Variants in TENM3 observed in about 807,000 individuals in gnomAD.
The protein encoded by TENM3 is teneurin transmembrane protein 3.
TENM3 carries 63 observed loss-of-function variants against 255.1 expected under a neutral mutation model. The ratio of observed to expected loss-of-function variants is 0.25; its 90% CI spans 0.20 to 0.30. TENM3 has a LOEUF of 0.30. Ranked by LOEUF, TENM3 falls within the 10% of genes least tolerant of loss-of-function variation. The pLI, the probability that TENM3 is intolerant of heterozygous loss-of-function variation, is 1.00. For missense variants in TENM3, 2,929 were observed against 3,461.1 expected (o/e 0.85, Z 3.86); for synonymous variants, 1,306 against 1,322.3 (o/e 0.99, Z 0.27).
chr4:182,594,894 AT>A (rs1747054426), intron 3 of TENM3, among the ~76,000 whole-genome samples: 1 of 151,622 alleles, frequency 6.6e-6, no homozygotes, highest in African/African-American at 2.4e-5. Flanking sequence ...TAATTTTTGT[AT>A]TCAGTAGAGG....
intron 1 of TENM3, among the ~76,000 whole-genome samples, chr4:182,212,079 T>C (rs1237199273): frequency 1.3e-5 from 2 of 152,228 alleles, no homozygotes; most frequent in Admixed American, 1.3e-4. Context: ...CTAGTCTGAA[T>C]ACATGGAATT....
At chr4:181,929,470 A>G in the TENM3 span, among the ~76,000 whole-genome samples, 2 of 152,220 alleles carry the variant, frequency 1.3e-5, no homozygotes, top group African/African-American at 4.8e-5. Flanking sequence ...TCAATGTAAC[A>G]AGAAGAGCTA....
intron 6 of TENM3, among the ~76,000 whole-genome samples, chr4:182,671,192 G>A (rs948799269): frequency 2.0e-5 from 3 of 152,064 alleles, no homozygotes; most frequent in South Asian, 2.1e-4. Flanking sequence ...TCCTTGTAAC[G>A]GTGCAATCAT....
chr4:182,454,218 A>C (rs371783436), intron 3 of TENM3, among the ~76,000 whole-genome samples: 16 of 152,114 alleles, frequency 1.1e-4, no homozygotes, highest in East Asian at 9.6e-4. Context: ...TTGTTTTATC[A>C]TTTACACATT....
At chr4:181,657,886 A>G in the TENM3 span, among the ~76,000 whole-genome samples, 1 of 152,212 alleles carries the variant, frequency 6.6e-6, no homozygotes, top group Non-Finnish European at 1.5e-5. Flanking sequence ...ATGCAGAAAC[A>G]GGAAAACAAA....
intron 3 of TENM3, among the ~76,000 whole-genome samples, chr4:182,470,612 A>G (rs1733025484): frequency 1.3e-5 from 2 of 152,238 alleles, no homozygotes; most frequent in African/African-American, 2.4e-5. Context: ...TGCCAAAAAT[A>G]AAAATAAAAC....
At chr4:182,032,910 T>G in the TENM3 span, among the ~76,000 whole-genome samples, 1 of 152,152 alleles carries the variant, frequency 6.6e-6, no homozygotes, top group Non-Finnish European at 1.5e-5. Flanking sequence ...TATCATTTTT[T>G]ATTGTGTTTG....
the TENM3 span, among the ~76,000 whole-genome samples, chr4:181,796,702 G>C: frequency 2.6e-5 from 4 of 152,176 alleles, no homozygotes; most frequent in Admixed American, 2.0e-4. Context: ...ACACAGCCTA[G>C]ACACTCAGCA....
chr4:181,990,217 A>G, the TENM3 span, among the ~76,000 whole-genome samples: 1 of 152,266 alleles, frequency 6.6e-6, no homozygotes, highest in African/African-American at 2.4e-5. Context: ...ACATGTTATA[A>G]TTAAAGAAGA....
chr4:181,841,186 T>C, the TENM3 span, among the ~76,000 whole-genome samples: 3 of 152,160 alleles, frequency 2.0e-5, no homozygotes, highest in Non-Finnish European at 4.4e-5. Context: ...TAAAATTACC[T>C]TCTATGATTT....
At chr4:182,300,898 T>C (rs1166084587) in intron 1 of TENM3, among the ~76,000 whole-genome samples, 1 of 152,240 alleles carries the variant, frequency 6.6e-6, no homozygotes. Flanking sequence ...TGACTTCATT[T>C]TGTGCTGAAA....
the TENM3 span, among the ~76,000 whole-genome samples, chr4:181,805,866 T>C: frequency 6.6e-6 from 1 of 152,186 alleles, no homozygotes; most frequent in Non-Finnish European, 1.5e-5. Context: ...TTTCTAATCC[T>C]GACTCTCTGC....
chr4:182,755,306 A>G, intron 22 of TENM3, 47 bp downstream of exon 22: 1 of 1,361,746 alleles, frequency 7.3e-7, no homozygotes, highest in Admixed American at 2.4e-5. Flanking sequence ...CTGTGATATA[A>G]TAATATCATC....
At chr4:181,513,833 T>TACA in the TENM3 span, among the ~76,000 whole-genome samples, 6 of 152,178 alleles carry the variant, frequency 3.9e-5, no homozygotes, top group African/African-American at 1.2e-4. Context: ...ACATCCTGAG[T>TACA]ACAACCACCT....
the TENM3 span, among the ~76,000 whole-genome samples, chr4:181,734,174 A>T: frequency 1.3e-5 from 2 of 152,188 alleles, no homozygotes; most frequent in African/African-American, 4.8e-5. Flanking sequence ...ATAATATTTC[A>T]GGATGCCATG....
At chr4:181,527,362 TTTTTGTTTTGTTTTGTTTTG>T in the TENM3 span, among the ~76,000 whole-genome samples, 1 of 152,040 alleles carries the variant, frequency 6.6e-6, no homozygotes, top group Non-Finnish European at 1.5e-5. Context: ...TTTTTATTTG[TTTTTGTTTTGTTTTGTTTTG>T]TTTTGAGACA....
the TENM3 span, among the ~76,000 whole-genome samples, chr4:181,465,167 A>G: frequency 6.7e-6 from 1 of 149,464 alleles, no homozygotes; most frequent in Non-Finnish European, 1.5e-5. Context: ...TTCTTCAAAG[A>G]TATGATTTTT....
At chr4:181,711,054 G>A in the TENM3 span, among the ~76,000 whole-genome samples, 1 of 152,034 alleles carries the variant, frequency 6.6e-6, no homozygotes, top group Non-Finnish European at 1.5e-5. Context: ...ACCTGGGGTA[G>A]GGTAGAACAA....
chr4:182,310,682 T>C (rs1762389216), intron 1 of TENM3, among the ~76,000 whole-genome samples: 1 of 149,658 alleles, frequency 6.7e-6, no homozygotes, highest in South Asian at 2.1e-4. Flanking sequence ...TTTTTTTTTT[T>C]CAGGGAAATA....
Sources: allele counts gnomAD v4.1 joint callset (sites outside exome capture counted in the v4.1 genomes callset), GRCh38; gene constraint gnomAD v4.1.1; transcripts MANE v1.5; gene names NCBI Gene and HGNC (gene_info 2026-07-23, HGNC 2026-07-21).